The following FAM135B variants were observed in gnomAD, a reference collection of about 807,000 sequenced individuals.
FAM135B encodes the protein protein FAM135B.
In FAM135B, 43 loss-of-function variants were observed where a neutral mutation model predicts 127.7. That is an observed-to-expected ratio of 0.34 (90% CI 0.26 to 0.43). The LOEUF (loss-of-function observed/expected upper bound fraction) is 0.43. FAM135B is among the 20% of genes least tolerant of loss of function. FAM135B has a pLI of 1.00. For missense variants in FAM135B, 1,558 were observed against 1,725.6 expected, an observed-to-expected ratio of 0.90 and a Z score of 1.72; for synonymous variants, 670 against 665.1, an observed-to-expected ratio of 1.01 and a Z score of -0.11.
chr8:138,444,829 CA>C (rs1427620296), intron 1 of FAM135B, among the ~76,000 whole-genome samples: 3 of 151,916 alleles, frequency 2.0e-5, no homozygotes, highest in Admixed American at 1.3e-4. Flanking sequence ...GATAGAGACA[CA>C]AAAAACCCTT....
At chr8:138,351,014 T>C (rs1327593021) in intron 2 of FAM135B, among the ~76,000 whole-genome samples, 1 of 152,158 alleles carries the variant, frequency 6.6e-6, no homozygotes, top group Non-Finnish European at 1.5e-5. Context: ...GTCTTAGCCC[T>C]GAAAGTCTTA....
At chr8:138,367,866 C>T (rs758331267) in intron 2 of FAM135B, 41 bp downstream of exon 2, 20 of 1,368,066 alleles carry the variant, frequency 1.5e-5, no homozygotes, top group Admixed American at 8.5e-5. Flanking sequence ...AAACAACACA[C>T]ACACACACAC....
chr8:138,463,872 C>A (rs1243024187), intron 1 of FAM135B, among the ~76,000 whole-genome samples: 3 of 152,012 alleles, frequency 2.0e-5, no homozygotes, highest in East Asian at 1.9e-4. Flanking sequence ...GTCAAGAAAC[C>A]CTTTGATGGG....
intron 1 of FAM135B, among the ~76,000 whole-genome samples, chr8:138,427,289 A>G (rs2131489534): frequency 6.7e-6 from 1 of 149,848 alleles, no homozygotes; most frequent in Admixed American, 6.7e-5. Context: ...ATATATATAT[A>G]TAATATTTAT....
At chr8:138,422,839 A>G (rs1834595914) in intron 1 of FAM135B, among the ~76,000 whole-genome samples, 3 of 152,222 alleles carry the variant, frequency 2.0e-5, no homozygotes, top group African/African-American at 7.2e-5. Flanking sequence ...ACTTTTCATA[A>G]TAGCAAAAAG....
At chr8:138,331,641 CCTGATG>C in intron 2 of FAM135B, among the ~76,000 whole-genome samples, 1 of 134,358 alleles carries the variant, frequency 7.4e-6, no homozygotes, top group African/African-American at 2.5e-5. Flanking sequence ...AGCAACCTCA[CCTGATG>C]ACTAATTAGT....
At position 138,130,613 on chromosome 8, in the gene FAM135B, G is replaced by A. The variant is rs138539040; in HGVS notation, c.*1980C>T. 2.6e-5 allele frequency: 4 copies of A among 152,380 alleles called. No individual in the cohort carries two copies. The highest frequency in any genetic ancestry group is 4.4e-5 in the Non-Finnish European group (3 of 68,076). 9.4% of individuals were successfully genotyped at this position (152,380 alleles called of 1,614,324 possible). On this transcript the variant is annotated 3_prime_UTR_variant, in exon 20 of 20. Coordinates refer to ENST00000395297, the MANE Select transcript of FAM135B (RefSeq NM_015912.4). ...GAAAATTGGAAACACAACATGAAATGCACTCATCAGAGGGACAGGGCCCAT... is the reference window on the plus strand; with the variant it reads ...GAAAATTGGAAACACAACATGAAATACACTCATCAGAGGGACAGGGCCCAT...
intron 2 of FAM135B, among the ~76,000 whole-genome samples, chr8:138,334,696 A>G (rs1276297765): frequency 6.6e-6 from 1 of 152,168 alleles, no homozygotes. Context: ...CCCCAGCTCC[A>G]TCCATGTCCC....
At chr8:138,167,404 C>G (rs1820034167) in intron 12 of FAM135B, among the ~76,000 whole-genome samples, 1 of 152,116 alleles carries the variant, frequency 6.6e-6, no homozygotes, top group South Asian at 2.1e-4. Context: ...CCATTTTGGC[C>G]AGGCTGGTCT....
At chr8:138,172,814 G>C (rs901674308) in intron 11 of FAM135B, among the ~76,000 whole-genome samples, 4 of 152,178 alleles carry the variant, frequency 2.6e-5, no homozygotes, top group Admixed American at 2.0e-4. Context: ...ATCATCAAGA[G>C]GATCCCAACA....
intron 12 of FAM135B, among the ~76,000 whole-genome samples, chr8:138,167,397 T>C (rs1293326021): frequency 6.6e-6 from 1 of 152,116 alleles, no homozygotes; most frequent in African/African-American, 2.4e-5. Context: ...GGTTTCTCCA[T>C]TTTGGCCAGG....
intron 7 of FAM135B, among the ~76,000 whole-genome samples, chr8:138,235,782 C>A (rs1820227711): frequency 1.3e-5 from 2 of 152,154 alleles, no homozygotes; most frequent in South Asian, 2.1e-4. Context: ...GTGAGCATTA[C>A]CCACTCTGAG....
intron 3 of FAM135B, among the ~76,000 whole-genome samples, chr8:138,276,757 G>A (rs912959955): frequency 6.6e-6 from 1 of 152,180 alleles, no homozygotes; most frequent in Non-Finnish European, 1.5e-5. Flanking sequence ...GGTTGCACTT[G>A]CAGTCTGGAG....
intron 8 of FAM135B, among the ~76,000 whole-genome samples, chr8:138,197,046 T>C (rs988038759): frequency 1.3e-5 from 2 of 151,842 alleles, no homozygotes; most frequent in African/African-American, 4.8e-5. Flanking sequence ...GTTTCTATAA[T>C]CATCCAGCTC....
chr8:138,223,337 G>T (rs139416635), intron 7 of FAM135B, among the ~76,000 whole-genome samples: 17 of 152,272 alleles, frequency 1.1e-4, no homozygotes, highest in African/African-American at 3.9e-4. Flanking sequence ...ACAGAGACTG[G>T]CAAGAAAATA....
intron 1 of FAM135B, among the ~76,000 whole-genome samples, chr8:138,490,897 A>G (rs1815165136): frequency 6.6e-6 from 1 of 152,134 alleles, no homozygotes; most frequent in Non-Finnish European, 1.5e-5. Context: ...AATCCCAGAA[A>G]TTTGGGGGGC....
At chr8:138,428,242 C>T (rs1835006671) in intron 1 of FAM135B, among the ~76,000 whole-genome samples, 2 of 152,108 alleles carry the variant, frequency 1.3e-5, no homozygotes, top group African/African-American at 2.4e-5. Context: ...TGAAGTCTCC[C>T]GTTGACTAAG....
intron 1 of FAM135B, among the ~76,000 whole-genome samples, chr8:138,370,346 G>C (rs910504812): frequency 2.4e-4 from 37 of 152,134 alleles, no homozygotes; most frequent in African/African-American, 8.0e-4. Flanking sequence ...CTTCTTGGTG[G>C]GAAATTGCCT....
chr8:138,168,322 A>G (rs1450947072), intron 11 of FAM135B, among the ~76,000 whole-genome samples: 3 of 152,218 alleles, frequency 2.0e-5, no homozygotes, highest in Non-Finnish European at 4.4e-5. Flanking sequence ...TTAGTGGAAT[A>G]TAATAAATAC....
Sources: allele counts gnomAD v4.1 joint callset (sites outside exome capture counted in the v4.1 genomes callset), GRCh38; gene constraint gnomAD v4.1.1; transcripts MANE v1.5; gene names NCBI Gene and HGNC (gene_info 2026-07-23, HGNC 2026-07-21).